Variants in CNOT2 observed in about 807,000 individuals in gnomAD.
The protein encoded by CNOT2 is CCR4-NOT transcription complex subunit 2, also known as CC chemokine receptor 4-negative regulator of transcription 2.
In CNOT2, 7 loss-of-function variants were observed where a neutral mutation model predicts 72.1. That is an observed-to-expected ratio of 0.10 (90% CI 0.06 to 0.18). The LOEUF is 0.18. CNOT2 is among the 10% of genes least tolerant of loss of function. The pLI is 1.00. For missense variants in CNOT2, 345 were observed against 660.3 expected (o/e 0.52, Z 5.23); for synonymous variants, 196 against 225.6 (o/e 0.87, Z 1.17).
intron 15 of CNOT2, among the ~76,000 whole-genome samples, chr12:70,353,265 G>A (rs986148391): frequency 6.6e-6 from 1 of 151,764 alleles, no homozygotes; most frequent in African/African-American, 2.4e-5. Flanking sequence ...TACAGACGGG[G>A]TTTCACCATG....
chr12:70,276,982 C>T (rs964734614), intron 1 of CNOT2, among the ~76,000 whole-genome samples: 7 of 151,398 alleles, frequency 4.6e-5, no homozygotes, highest in African/African-American at 7.3e-5. Flanking sequence ...ATGTTCTGCC[C>T]GTATAGATTG....
At chr12:70,340,886 A>C (rs1881400132) in intron 11 of CNOT2, among the ~76,000 whole-genome samples, 1 of 131,018 alleles carries the variant, frequency 7.6e-6, no homozygotes, top group African/African-American at 2.9e-5. Context: ...AAAAACCCCA[A>C]ATCTTTTTTT....
chr12:70,272,933 C>CT (rs1407239576), intron 1 of CNOT2, among the ~76,000 whole-genome samples: 1 of 152,122 alleles, frequency 6.6e-6, no homozygotes, highest in African/African-American at 2.4e-5. Flanking sequence ...TGTTTACTAT[C>CT]TTTGTTTCTG....
At chr12:70,326,133 G>A (rs569340582) in intron 4 of CNOT2, among the ~76,000 whole-genome samples, 2 of 151,704 alleles carry the variant, frequency 1.3e-5, no homozygotes, top group Non-Finnish European at 2.9e-5. Context: ...GAATGTGTTC[G>A]TATAGTCCTC....
intron 13 of CNOT2, 49 bp from the exon 14 acceptor site, chr12:70,344,079 A>C: frequency 7.6e-7 from 1 of 1,313,138 alleles, no homozygotes; most frequent in Non-Finnish European, 1.1e-6. Flanking sequence ...ATATATTAGG[A>C]TTTGCAGATT....
intron 2 of CNOT2, among the ~76,000 whole-genome samples, chr12:70,279,942 T>G (rs1455901214): frequency 6.6e-6 from 1 of 152,172 alleles, no homozygotes; most frequent in Non-Finnish European, 1.5e-5. Context: ...AAATGCATTT[T>G]TGGTTATGGG....
intron 1 of CNOT2, among the ~76,000 whole-genome samples, chr12:70,252,194 A>C (rs936546827): frequency 2.0e-5 from 3 of 151,966 alleles, no homozygotes; most frequent in South Asian, 2.1e-4. Context: ...TTATTTATTT[A>C]TTTCTTTTTT....
At position 70,257,329 on chromosome 12, in the gene CNOT2, C is replaced by G. The variant is rs1958505241; in HGVS notation, c.-96+13849C>G. 2.0e-5 allele frequency among the ~76,000 whole-genome samples: 3 copies of G among 150,150 alleles called. No individual in the cohort carries two copies. In the South Asian group the frequency reaches 6.3e-4, roughly 32 times the overall value. On this transcript the variant is annotated intron_variant, in intron 1 of 15. Coordinates refer to ENST00000229195, the MANE Select transcript of CNOT2 (RefSeq NM_014515.7). ...CATCCGATAGTATACAGGATACTCT[C>G]AGTGAGTCTTTCCCCAACTACCCCC...
chr12:70,276,059 A>G (rs949575815), intron 1 of CNOT2, among the ~76,000 whole-genome samples: 1 of 152,072 alleles, frequency 6.6e-6, no homozygotes, highest in Admixed American at 6.6e-5. Flanking sequence ...CCAGGCCATG[A>G]AATATTTCCA....
At chr12:70,318,616 T>G (rs1200947476) in intron 3 of CNOT2, among the ~76,000 whole-genome samples, 1 of 151,870 alleles carries the variant, frequency 6.6e-6, no homozygotes, top group Non-Finnish European at 1.5e-5. Context: ...ATGTTTCCTT[T>G]AGAGCATTTA....
At chr12:70,257,354 C>CTTTTTT (rs34175539) in intron 1 of CNOT2, among the ~76,000 whole-genome samples, 1,577 of 128,412 alleles carry the variant, frequency 0.012, 52 homozygotes, top group African/African-American at 0.026. Context: ...CAACTACCCC[C>CTTTTTT]TTTTTTTTTT....
intron 2 of CNOT2, chr12:70,285,584 C>T (rs1870743881): frequency 6.6e-6 from 1 of 151,646 alleles, no homozygotes; most frequent in African/African-American, 2.4e-5. Context: ...CTGATGGTGG[C>T]AGGTTAGTTT....
At chr12:70,311,157 T>C in intron 3 of CNOT2, 140 bp downstream of exon 3, 3 of 553,750 alleles carry the variant, frequency 5.4e-6, no homozygotes, top group East Asian at 2.9e-5. Flanking sequence ...CTTTGGTGCT[T>C]GTATCCTTTT....
chr12:70,340,781 G>A (rs981607705), intron 11 of CNOT2, among the ~76,000 whole-genome samples: 7 of 150,778 alleles, frequency 4.6e-5, no homozygotes, highest in Non-Finnish European at 7.4e-5. Flanking sequence ...ACCCCTTCCC[G>A]TACAATCTCT....
chr12:70,278,304 A>G (rs1160159187), intron 2 of CNOT2, 30 bp downstream of exon 2: 8 of 1,481,794 alleles, frequency 5.4e-6, no homozygotes, highest in Non-Finnish European at 5.7e-6. Context: ...TTTTTTCTCT[A>G]TTGGTCTTAT....
intron 1 of CNOT2, among the ~76,000 whole-genome samples, chr12:70,244,808 G>C (rs186774646): frequency 6.6e-6 from 1 of 152,260 alleles, no homozygotes; most frequent in East Asian, 1.9e-4. Context: ...TCACGAGGGA[G>C]GCCAACTTGA....
intron 14 of CNOT2, chr12:70,345,508 A>C (rs543084926): frequency 1.3e-5 from 2 of 152,278 alleles, no homozygotes; most frequent in South Asian, 4.1e-4. Flanking sequence ...TTGGTAGGAA[A>C]GCATTTCTTT....
rs549600697 is a variant in CNOT2 at position 70,294,774 on chromosome 12, A to G, written c.49-16121A>G. Among the ~76,000 whole-genome samples, 15 of 152,320 alleles carry G rather than the reference A, an allele frequency of 9.8e-5. No individual in the cohort carries two copies. In the South Asian group the frequency reaches 3.1e-3, roughly 32 times the overall value. The stretch of plus-strand genomic sequence containing the variant: ...GGCAGGTAGCTATGTTTTAATCTTT[A>G]CAGAAATAGAAATTTCAAACATCTT... On this transcript the variant is annotated intron_variant, in intron 2 of 15. Coordinates refer to ENST00000229195, the MANE Select transcript of CNOT2 (RefSeq NM_014515.7).
chr12:70,260,458 A>G (rs1362552948), intron 1 of CNOT2, among the ~76,000 whole-genome samples: 2 of 152,106 alleles, frequency 1.3e-5, no homozygotes, highest in Admixed American at 1.3e-4. Flanking sequence ...ATAGAAATGC[A>G]ATTAATTTTG....
Sources: gnomAD v4.1 joint callset for allele counts (sites outside exome capture counted in the v4.1 genomes callset) on GRCh38, gnomAD v4.1.1 for gene constraint, MANE v1.5 for transcripts, NCBI Gene and HGNC (gene_info 2026-07-23, HGNC 2026-07-21) for gene names.